CTNNA2: variants seen among roughly 807,000 people sequenced by gnomAD.
The protein encoded by CTNNA2 is catenin alpha 2.
Under a neutral mutation model 101.0 loss-of-function variants are expected in CTNNA2, and 42 were observed. The observed-to-expected ratio is 0.42, with a 90% confidence interval of 0.32 to 0.54. The LOEUF (loss-of-function observed/expected upper bound fraction) is 0.54. CTNNA2 is among the 20% of genes least tolerant of loss of function. The pLI, the probability that CTNNA2 is intolerant of heterozygous loss-of-function variation, is 0.14. For missense variants in CTNNA2, 871 were observed against 1,223.1 expected (o/e 0.71, Z 4.29); for synonymous variants, 450 against 456.4 (o/e 0.99, Z 0.18).
chr2:79,916,709 A>G (rs1686248401), intron 7 of CTNNA2, among the ~76,000 whole-genome samples: 2 of 151,448 alleles, frequency 1.3e-5, no homozygotes, highest in Non-Finnish European at 2.9e-5. Flanking sequence ...CAGCCTCGCT[A>G]GTAGCTGGGA....
chr2:80,149,023 A>ATTTTTTTTTT (rs34431691), intron 7 of CTNNA2, among the ~76,000 whole-genome samples: 3 of 124,818 alleles, frequency 2.4e-5, no homozygotes, highest in Non-Finnish European at 3.4e-5. Flanking sequence ...TTATTTTGTT[A>ATTTTTTTTTT]TTTTTTTTTT....
intron 8 of CTNNA2, among the ~76,000 whole-genome samples, chr2:80,402,777 A>G (rs1267872974): frequency 6.8e-6 from 1 of 147,942 alleles, no homozygotes; most frequent in Non-Finnish European, 1.5e-5. Context: ...TATAATATAT[A>G]AATTATGTTT....
chr2:80,479,559 A>G (rs1423776168), intron 9 of CTNNA2, among the ~76,000 whole-genome samples: 1 of 152,164 alleles, frequency 6.6e-6, no homozygotes, highest in African/African-American at 2.4e-5. Flanking sequence ...GAGGGCTTTT[A>G]TATATAAGAT....
At chr2:80,566,012 G>T (rs531042565) in intron 12 of CTNNA2, among the ~76,000 whole-genome samples, 185 of 152,176 alleles carry the variant, frequency 1.2e-3, no homozygotes, top group African/African-American at 4.0e-3. Context: ...AAGCATCGTT[G>T]CTACAATTAA....
chr2:79,361,333 T>C lies in CTNNA2; in HGVS notation c.-317-12498T>C, dbSNP rs191731217. ...AGGTAAATCTAATTGGGTGGATAAG[T>C]TATGCTTCATCACAATGAATAGGAA... On this transcript the variant is annotated intron_variant, in intron 3 of 21. Transcript: ENST00000466387. Among the ~76,000 whole-genome samples the C allele has an allele frequency of 2.3e-3, 356 of 152,276 alleles. 2 individuals are homozygous for C. The highest frequency in any genetic ancestry group is 8.1e-3 in the Admixed American group (124 of 15,292).
At chr2:79,279,366 G>T (rs1451384181) in intron 2 of CTNNA2, among the ~76,000 whole-genome samples, 2 of 152,180 alleles carry the variant, frequency 1.3e-5, no homozygotes, top group South Asian at 2.1e-4. Flanking sequence ...CACCATAAAT[G>T]CCTGAGGATA....
Position 80,302,048 on chromosome 2 carries a change from G to A in CTNNA2, c.1057-91163G>A. 1 of 623,636 alleles carries A rather than the reference G, an allele frequency of 1.6e-6. No individual in the cohort carries two copies. The highest frequency in any genetic ancestry group is 2.9e-5 in the East Asian group (1 of 34,544). 38.6% of individuals were successfully genotyped at this position (623,636 alleles called of 1,614,324 possible). A position where few individuals can be genotyped will look rare whatever the true frequency, so the allele number is the denominator to read the frequency against. On this transcript the variant is annotated intron_variant, in intron 7 of 18. Transcript: ENST00000402739. The surrounding 1 kb of genome is among the most constrained non-coding windows in gnomAD (Gnocchi z 6.4). ...GACTGTCCTGAAGGTTGTGGGGTGG[G>A]GTTTTTTGTTGTGTTTTAATTCGCT...
intron 2 of CTNNA2, among the ~76,000 whole-genome samples, chr2:79,300,923 T>A (rs1676093714): frequency 1.3e-5 from 2 of 152,154 alleles, no homozygotes; most frequent in Admixed American, 1.3e-4. Flanking sequence ...CCAGGTGTAT[T>A]TTTGGTTCCT....
Position 80,412,935 on chromosome 2 carries a change from C to T in CTNNA2, c.1138-6514C>T, listed in dbSNP as rs561983818. ...TGTCCACATGCATCATGGTGTCCAACGTCCATTGGCCCTAAACATGACACA... is the reference window on the plus strand; with the variant it reads ...TGTCCACATGCATCATGGTGTCCAATGTCCATTGGCCCTAAACATGACACA... On this transcript the variant is annotated intron_variant, in intron 8 of 18. Transcript: ENST00000402739. Among the ~76,000 whole-genome samples the T allele has an allele frequency of 2.1e-4, 32 of 152,280 alleles. 2 individuals are homozygous for T. The South Asian group carries it at 2.3e-3, about 11-fold the overall frequency.
chr2:79,568,922 C>T (rs1247723735), intron 1 of CTNNA2, among the ~76,000 whole-genome samples: 3 of 149,086 alleles, frequency 2.0e-5, no homozygotes, highest in Non-Finnish European at 4.4e-5. Flanking sequence ...TAGTCCTAGC[C>T]ACTGAGGAGG....
intron 7 of CTNNA2, among the ~76,000 whole-genome samples, chr2:80,028,547 T>C (rs1034570918): frequency 7.2e-5 from 11 of 152,188 alleles, no homozygotes; most frequent in Non-Finnish European, 1.5e-4. Context: ...GGCCGAATAA[T>C]GGCCCCTCAA....
At chr2:79,443,584 G>A (rs1470852977) in intron 4 of CTNNA2, among the ~76,000 whole-genome samples, 1 of 151,964 alleles carries the variant, frequency 6.6e-6, no homozygotes, top group African/African-American at 2.4e-5. Context: ...GTTGACACAT[G>A]GAATTAACTA....
chr2:80,385,672 C>A (rs1274084176), intron 7 of CTNNA2, among the ~76,000 whole-genome samples: 1 of 152,060 alleles, frequency 6.6e-6, no homozygotes, highest in African/African-American at 2.4e-5. Context: ...TTCTTCATCC[C>A]TTTCTTGCCG....
At chr2:80,551,878 G>C (rs1434049863) in intron 11 of CTNNA2, among the ~76,000 whole-genome samples, 12 of 152,076 alleles carry the variant, frequency 7.9e-5, no homozygotes, top group Admixed American at 6.5e-5. Flanking sequence ...CTCTTGACTT[G>C]TGACATGTCT....
chr2:80,231,685 G>A (rs1709220402), intron 7 of CTNNA2, among the ~76,000 whole-genome samples: 1 of 152,136 alleles, frequency 6.6e-6, no homozygotes, highest in African/African-American at 2.4e-5. Flanking sequence ...GTGGCAATAA[G>A]ATCCCAAATT....
Position 79,848,912 on chromosome 2 carries a change from A to C in CTNNA2, c.299-9101A>C, listed in dbSNP as rs144292798. On this transcript the variant is annotated intron_variant, in intron 3 of 18. Transcript: ENST00000402739. ...TGTCACATTGGGATTTATTGGCCTCACAGCAACAATGGCACTGAGACCAGA... is the reference window on the plus strand; with the variant it reads ...TGTCACATTGGGATTTATTGGCCTCCCAGCAACAATGGCACTGAGACCAGA... Among the ~76,000 whole-genome samples the C allele has an allele frequency of 2.0e-4, 31 of 152,252 alleles. No homozygotes were observed. In the East Asian group the frequency reaches 3.5e-3, roughly 17 times the overall value.
At chr2:79,644,387 A>T (rs1244428529) in intron 1 of CTNNA2, among the ~76,000 whole-genome samples, 3 of 152,148 alleles carry the variant, frequency 2.0e-5, no homozygotes, top group Non-Finnish European at 4.4e-5. Flanking sequence ...TTCTACCCAG[A>T]TAATTCGGGA....
Position 80,537,873 on chromosome 2 carries a change from A to G in CTNNA2, c.1291-7109A>G, listed in dbSNP as rs552560158. Among the ~76,000 whole-genome samples, 427 of 152,196 alleles carry G rather than the reference A, an allele frequency of 2.8e-3. 2 individuals are homozygous for G. The highest frequency in any genetic ancestry group is 0.027 in the Middle Eastern group (8 of 294). ...CTCCCAAAGTGCTGGGATTACAAGC[A>G]TGAGCCACCACACCCGCCCTGTTTC... On this transcript the variant is annotated intron_variant, in intron 9 of 18. Coordinates refer to ENST00000402739, the MANE Select transcript of CTNNA2 (RefSeq NM_001282597.3).
At chr2:80,047,274 T>G (rs1238024928) in intron 7 of CTNNA2, among the ~76,000 whole-genome samples, 2 of 152,334 alleles carry the variant, frequency 1.3e-5, no homozygotes, top group Admixed American at 1.3e-4. Context: ...ATTAAAATAT[T>G]AGTCCATCAG....
Sources: allele counts gnomAD v4.1 joint callset (sites outside exome capture counted in the v4.1 genomes callset), GRCh38; gene constraint gnomAD v4.1.1; non-coding constraint Gnocchi (gnomAD v3.1); transcripts MANE v1.5; gene names NCBI Gene and HGNC (gene_info 2026-07-23, HGNC 2026-07-21).